The following CCDC102B variants were observed in gnomAD, a reference collection of about 807,000 sequenced individuals.
CCDC102B encodes the protein coiled-coil domain containing 102B.
CCDC102B carries 75 observed loss-of-function variants against 57.4 expected under a neutral mutation model. The ratio of observed to expected loss-of-function variants is 1.31; its 90% CI spans 1.08 to 1.58. CCDC102B has a LOEUF of 1.58. CCDC102B is among the 40% of genes most tolerant of loss of function. CCDC102B has a pLI of 0.00. For synonymous variants in CCDC102B, 206 were observed against 201.9 expected (o/e 1.02, Z -0.17); for missense variants, 636 against 582.6 (o/e 1.09, Z -0.94).
intron 1 of CCDC102B, among the ~76,000 whole-genome samples, chr18:68,826,028 G>A (rs915131344): frequency 1.3e-5 from 2 of 152,124 alleles, no homozygotes; most frequent in Non-Finnish European, 2.9e-5. Context: ...TCTCTCGTTT[G>A]TTTTTATTTT....
chr18:68,950,983 C>T (rs2049681233), intron 6 of CCDC102B, among the ~76,000 whole-genome samples: 2 of 151,900 alleles, frequency 1.3e-5, no homozygotes, highest in African/African-American at 4.8e-5. Context: ...CTTGTTATTA[C>T]TGGAAATGTA....
At chr18:68,974,230 G>A (rs1239312227) in intron 6 of CCDC102B, among the ~76,000 whole-genome samples, 1 of 151,954 alleles carries the variant, frequency 6.6e-6, no homozygotes, top group Non-Finnish European at 1.5e-5. Flanking sequence ...ACTGTAAATG[G>A]AGTTTCTGCA....
chr18:68,956,438 A>AT (rs1423798404), intron 6 of CCDC102B, among the ~76,000 whole-genome samples: 317 of 30,894 alleles, frequency 0.01, 69 homozygotes, highest in African/African-American at 0.054. Flanking sequence ...TACATTTTAT[A>AT]TATATTATAT....
At chr18:68,813,692 G>C (rs1004682719) in intron 1 of CCDC102B, among the ~76,000 whole-genome samples, 19 of 151,796 alleles carry the variant, frequency 1.3e-4, no homozygotes, top group African/African-American at 4.4e-4. Context: ...CTGTGAAAAG[G>C]ACTTTGAACC....
intron 7 of CCDC102B, among the ~76,000 whole-genome samples, chr18:69,036,843 T>A (rs1434770585): frequency 6.6e-6 from 1 of 152,074 alleles, no homozygotes; most frequent in Non-Finnish European, 1.5e-5. Context: ...TGAAAGACGA[T>A]AAACTGAATC....
chr18:68,791,982 C>G (rs1439254371), intron 2 of CCDC102B, among the ~76,000 whole-genome samples: 1 of 152,132 alleles, frequency 6.6e-6, no homozygotes, highest in African/African-American at 2.4e-5. Context: ...CTACTGGTAG[C>G]TAGTAGGTGG....
At chr18:68,832,129 G>T (rs540236294) in intron 1 of CCDC102B, among the ~76,000 whole-genome samples, 3 of 151,978 alleles carry the variant, frequency 2.0e-5, no homozygotes, top group Non-Finnish European at 4.4e-5. Context: ...TTCAACAAAG[G>T]TTTCATTTTC....
In CCDC102B at chr18:69,054,057, A is replaced by G; in HGVS notation, c.1462A>G (p.Lys488Glu). The G allele has an allele frequency of 6.2e-7, 1 of 1,606,290 alleles. No individual in the cohort carries two copies. Among genetic ancestry groups the G allele is most frequent in the Non-Finnish European group, 8.5e-7 (1 of 1,177,804 alleles). ...ELDDSLNQIRKLQRSLDEEKE... is the reference protein window; with the variant it reads ...ELDDSLNQIRELQRSLDEEKE... ...TGATGATTCCCTGAATCAGATCCGT[A>G]AGCTCCAGAGGTCTCTGGATGAAGA... Residue 488 changes from lysine (K) to glutamate (E), a missense_variant, in exon 8 of 8, where the codon AAG (lysine) becomes GAG (glutamate). Transcript: ENST00000360242.
chr18:68,837,050 C>G lies in CCDC102B; in HGVS notation c.287C>G (p.Ser96Trp). The change falls in exon 2 of 8, where the codon TCG becomes TGG. Residue 96 changes from serine to tryptophan, a missense_variant. Ser to Trp is a radical substitution (Grantham distance 177, BLOSUM62 -3). Coordinates refer to ENST00000360242, the MANE Select transcript of CCDC102B (RefSeq NM_024781.3). ...ATGGAAAAGACCATGCGGTGGTGGT[C>G]GGACTGCACTGCCAACTGGAGAGAA... ...AQMEKTMRWWSDCTANWREKW... is the reference protein window; with the variant it reads ...AQMEKTMRWWWDCTANWREKW... 5 of 1,614,084 alleles carry G rather than the reference C, an allele frequency of 3.1e-6. No individual in the cohort carries two copies. The highest frequency in any genetic ancestry group is 4.2e-6 in the Non-Finnish European group (5 of 1,180,028).
intron 6 of CCDC102B, among the ~76,000 whole-genome samples, chr18:68,966,880 C>T (rs2050178296): frequency 6.6e-6 from 1 of 152,124 alleles, no homozygotes; most frequent in Non-Finnish European, 1.5e-5. Flanking sequence ...CCTTCCCCAG[C>T]TGTGGTGGAA....
At chr18:68,805,578 A>G (rs1357694407) in intron 1 of CCDC102B, among the ~76,000 whole-genome samples, 4 of 152,158 alleles carry the variant, frequency 2.6e-5, no homozygotes, top group Non-Finnish European at 5.9e-5. Context: ...AAAAAACAAT[A>G]CAGTCCATTG....
chr18:68,869,660 A>G (rs1490214952), intron 4 of CCDC102B, among the ~76,000 whole-genome samples: 5 of 152,204 alleles, frequency 3.3e-5, no homozygotes, highest in Non-Finnish European at 5.9e-5. Flanking sequence ...ATTTTCTCTC[A>G]TTCTGTAGGT....
At chr18:68,901,898 A>T (rs868860053) in intron 6 of CCDC102B, among the ~76,000 whole-genome samples, 1 of 152,136 alleles carries the variant, frequency 6.6e-6, no homozygotes, top group Non-Finnish European at 1.5e-5. Context: ...TGGGAAGTTG[A>T]TGGAAAACTT....
chr18:68,764,373 A>G (rs1479009312), intron 2 of CCDC102B, among the ~76,000 whole-genome samples: 1 of 152,202 alleles, frequency 6.6e-6, no homozygotes, highest in Non-Finnish European at 1.5e-5. Flanking sequence ...GAAAGTTTGC[A>G]TGACTTCTAG....
At chr18:68,863,854 A>T (rs923443534) in intron 4 of CCDC102B, among the ~76,000 whole-genome samples, 1 of 151,880 alleles carries the variant, frequency 6.6e-6, no homozygotes, top group African/African-American at 2.4e-5. Context: ...TATATTGTCT[A>T]TTGTGTACAA....
intron 5 of CCDC102B, among the ~76,000 whole-genome samples, chr18:68,894,841 A>G (rs1368116402): frequency 6.6e-6 from 1 of 151,892 alleles, no homozygotes; most frequent in Non-Finnish European, 1.5e-5. Context: ...AAAAATCTTA[A>G]GAGTTAAAAT....
intron 2 of CCDC102B, among the ~76,000 whole-genome samples, chr18:68,725,012 C>G (rs911577084): frequency 6.6e-6 from 1 of 152,314 alleles, no homozygotes; most frequent in South Asian, 2.1e-4. Flanking sequence ...AGGAAACTTA[C>G]AATCATGGCG....
chr18:68,988,919 G>C (rs2050794429), intron 6 of CCDC102B, among the ~76,000 whole-genome samples: 1 of 152,166 alleles, frequency 6.6e-6, no homozygotes, highest in East Asian at 1.9e-4. Flanking sequence ...CAACTTTTAT[G>C]CTATGAGGAC....
chr18:68,761,971 A>C (rs1016764783), intron 2 of CCDC102B, among the ~76,000 whole-genome samples: 1 of 152,052 alleles, frequency 6.6e-6, no homozygotes. Flanking sequence ...CTAGTTTGTA[A>C]GTAATTCCGG....
Sources: gnomAD v4.1 joint callset for allele counts (sites outside exome capture counted in the v4.1 genomes callset) on GRCh38, gnomAD v4.1.1 for gene constraint, MANE v1.5 for transcripts, NCBI Gene and HGNC (gene_info 2026-07-23, HGNC 2026-07-21) for gene names.